AKT3: variants seen among roughly 807,000 people sequenced by gnomAD.
The protein encoded by AKT3 is AKT serine/threonine kinase 3.
AKT3 carries 15 observed loss-of-function variants against 65.3 expected under a neutral mutation model. That is an observed-to-expected ratio of 0.23 (90% confidence interval 0.15 to 0.35). The LOEUF is 0.35. Ranked by LOEUF, AKT3 falls within the 10% of genes least tolerant of loss-of-function variation. AKT3 has a pLI of 1.00. For missense variants in AKT3, 243 were observed against 576.5 expected (o/e 0.42, Z 5.92); for synonymous variants, 206 against 183.8 (o/e 1.12, Z -0.98).
chr1:243,534,349 T>C (rs1044885333), intron 12 of AKT3, among the ~76,000 whole-genome samples: 1 of 152,222 alleles, frequency 6.6e-6, no homozygotes, highest in Non-Finnish European at 1.5e-5. Flanking sequence ...TTAATGTGTA[T>C]GTGTCTAGCA....
intron 7 of AKT3, among the ~76,000 whole-genome samples, chr1:243,614,783 C>T (rs1203410983): frequency 1.3e-5 from 2 of 151,852 alleles, no homozygotes; most frequent in Non-Finnish European, 2.9e-5. Flanking sequence ...CAGCCATTTC[C>T]TCAATAGTCT....
Position 243,499,787 on chromosome 1 carries a change from C to T in AKT3, c.*5462G>A, listed in dbSNP as rs376082705. ...AGCATGCCACAATCTGATTGCTGAC[C>T]TGGATGGAACAGAGTGAAATAAATG... On this transcript the variant is annotated 3_prime_UTR_variant, in exon 14 of 14. Transcript: ENST00000673466. 149 of 1,612,440 alleles carry T rather than the reference C, an allele frequency of 9.2e-5. No individual in the cohort carries two copies. The highest frequency in any genetic ancestry group is 8.7e-5 in the Non-Finnish European group (102 of 1,178,910).
At chr1:243,720,586 G>A (rs1049299353) in intron 2 of AKT3, among the ~76,000 whole-genome samples, 3 of 151,940 alleles carry the variant, frequency 2.0e-5, no homozygotes, top group African/African-American at 7.2e-5. Flanking sequence ...GACTTGGCCT[G>A]TCTGCTCTGG....
intron 12 of AKT3, among the ~76,000 whole-genome samples, chr1:243,538,377 A>AG (rs924353798): frequency 4.6e-5 from 7 of 152,152 alleles, no homozygotes; most frequent in Admixed American, 2.0e-4. Context: ...GCAGACAAAG[A>AG]GAAAAAAAGG....
At chr1:243,637,874 G>A in intron 5 of AKT3, 132 bp from the exon 6 acceptor site, 1 of 548,638 alleles carries the variant, frequency 1.8e-6, no homozygotes, top group Non-Finnish European at 3.0e-6. Context: ...AAATGAAAAA[G>A]AATCAGACTG....
At chr1:243,797,693 G>A (rs2148356252) in intron 2 of AKT3, among the ~76,000 whole-genome samples, 1 of 152,190 alleles carries the variant, frequency 6.6e-6, no homozygotes, top group East Asian at 1.9e-4. Flanking sequence ...AGGTATAGAT[G>A]AAAGAGGAGT....
chr1:243,550,471 T>TA (rs1055868309), intron 11 of AKT3, among the ~76,000 whole-genome samples: 9 of 149,568 alleles, frequency 6.0e-5, no homozygotes, highest in Admixed American at 2.0e-4. Flanking sequence ...GGCTGACAAA[T>TA]AAAAAAAAAT....
rs147853297 is a variant in AKT3, at chr1:243,614,973, C to T, written c.627+123G>A. 6.1e-3 allele frequency: 4,486 copies of T among 733,068 alleles called. 44 individuals carry two copies. The highest frequency in any genetic ancestry group is 6.2e-3 in the Non-Finnish European group (2,796 of 452,710). The allele number at this position is 733,068 out of a possible 1,614,324, so 45.4% of individuals were successfully genotyped here. A position where few individuals can be genotyped will look rare whatever the true frequency, so the allele number is the denominator to read the frequency against. ...AATAAGTTATAAGAAATTTGACTTACGTTCTTTCCACAAAGAAAATGAGAT... is the reference window on the plus strand; with the variant it reads ...AATAAGTTATAAGAAATTTGACTTATGTTCTTTCCACAAAGAAAATGAGAT... On this transcript the variant is annotated intron_variant, in intron 7 of 13. Transcript: ENST00000673466.
intron 2 of AKT3, among the ~76,000 whole-genome samples, chr1:243,711,385 T>C (rs1305821445): frequency 6.6e-6 from 1 of 152,112 alleles, no homozygotes; most frequent in Non-Finnish European, 1.5e-5. Flanking sequence ...TAACCACTAA[T>C]ACCATACATC....
chr1:243,498,563 C>A (rs1004534585), downstream of AKT3, among the ~76,000 whole-genome samples: 3 of 152,222 alleles, frequency 2.0e-5, no homozygotes, highest in African/African-American at 7.2e-5. Context: ...CAGACCTGTT[C>A]AAGAAAAAGT....
At chr1:243,727,319 G>C (rs984445382) in intron 2 of AKT3, among the ~76,000 whole-genome samples, 2 of 152,066 alleles carry the variant, frequency 1.3e-5, no homozygotes, top group Non-Finnish European at 2.9e-5. Context: ...ATTGAGACAG[G>C]GTCTTGCTCT....
Position 243,552,784 on chromosome 1 carries a change from A to G in AKT3, c.1108T>C (p.Ser370Pro). The change falls in exon 11 of 14, where the codon TCT (serine) becomes CCT (proline). Residue 370 changes from serine to proline, a missense_variant. By Grantham distance (74) the Ser-to-Pro change is moderately conservative (BLOSUM62 -1). Coordinates refer to ENST00000673466, the MANE Select transcript of AKT3 (RefSeq NM_005465.7). ...MEDIKFPRTL[S>P]SDAKSLLSGL... is the part of the protein sequence containing the mutation. The stretch of plus-strand genomic sequence containing the variant: ...GAAAGCAATGATTTTGCATCTGAAG[A>G]GAGTGTTCGAGGAAATTTAATGTCT... 1 of 1,614,098 alleles carries G rather than the reference A, an allele frequency of 6.2e-7. No individual in the cohort carries two copies. Among genetic ancestry groups the G allele is most frequent in the Non-Finnish European group, 8.5e-7 (1 of 1,179,998 alleles).
chr1:243,497,611 G>A (rs1192005911), downstream of AKT3, among the ~76,000 whole-genome samples: 1 of 152,180 alleles, frequency 6.6e-6, no homozygotes, highest in Admixed American at 6.5e-5. Flanking sequence ...GGAGCCCACA[G>A]GCATTATGTA....
chr1:243,790,828 G>C (rs865802091), intron 2 of AKT3, among the ~76,000 whole-genome samples: 18 of 152,148 alleles, frequency 1.2e-4, no homozygotes, highest in African/African-American at 4.3e-4. Context: ...GAGTGAGAGA[G>C]ACAGGGGTAC....
At chr1:243,847,913 A>G (rs1200638017) in intron 1 of AKT3, among the ~76,000 whole-genome samples, 1 of 152,152 alleles carries the variant, frequency 6.6e-6, no homozygotes, top group Admixed American at 6.5e-5. Context: ...TTATTAAGCC[A>G]AAAATTAATT....
chr1:243,680,851 C>T (rs1683857334), intron 3 of AKT3, among the ~76,000 whole-genome samples: 1 of 152,104 alleles, frequency 6.6e-6, no homozygotes, highest in South Asian at 2.1e-4. Context: ...GCTGCTGTTT[C>T]CCTAAATGGA....
intron 6 of AKT3, among the ~76,000 whole-genome samples, chr1:243,621,168 C>T (rs1678720683): frequency 2.0e-5 from 3 of 152,156 alleles, no homozygotes; most frequent in Admixed American, 6.6e-5. Flanking sequence ...AGCTACTAAG[C>T]TAAGACTAGA....
chr1:243,724,771 T>G (rs1687109542), intron 2 of AKT3, among the ~76,000 whole-genome samples: 1 of 152,192 alleles, frequency 6.6e-6, no homozygotes, highest in African/African-American at 2.4e-5. Flanking sequence ...AACTGAATTT[T>G]AAACTAAAAT....
At position 243,693,241 on chromosome 1, in the gene AKT3, TTG is replaced by T. The variant is rs1491084240; in HGVS notation, c.172+2348_172+2349del. On this transcript the variant is annotated intron_variant, in intron 3 of 13. Coordinates refer to ENST00000673466, the MANE Select transcript of AKT3 (RefSeq NM_005465.7). ...TATATATCCCTTTGGTAGCTACAATTTGATATATATATATATATATATATATA... is the reference window on the plus strand; with the variant it reads ...TATATATCCCTTTGGTAGCTACAATTATATATATATATATATATATATATA... Among the ~76,000 whole-genome samples, 153 of 38,228 alleles carry T rather than the reference TTG, an allele frequency of 4.0e-3. 1 individual carries two copies. Among genetic ancestry groups the T allele is most frequent in the African/African-American group, 7.2e-3 (70 of 9,738 alleles). 25.1% of individuals were successfully genotyped at this position (38,228 alleles called of 152,430 possible).
Sources: gnomAD v4.1 joint callset for allele counts (sites outside exome capture counted in the v4.1 genomes callset) on GRCh38, gnomAD v4.1.1 for gene constraint, MANE v1.5 for transcripts, NCBI Gene and HGNC (gene_info 2026-07-23, HGNC 2026-07-21) for gene names.